The following EML2 variants were observed in gnomAD, a reference collection of about 807,000 sequenced individuals.
EML2 encodes the protein echinoderm microtubule-associated protein-like 2.
Under a neutral mutation model 84.7 loss-of-function variants are expected in EML2, and 59 were observed. That is an observed-to-expected ratio of 0.70 (90% confidence interval 0.56 to 0.86). The LOEUF is 0.86. Ranked by LOEUF, EML2 falls within the 40% of genes least tolerant of loss-of-function variation. The pLI is 0.00. For synonymous variants in EML2, 352 were observed against 348.9 expected (o/e 1.01, Z -0.10); for missense variants, 818 against 855.6 (o/e 0.96, Z 0.55).
chr19:45,619,434 A>G (rs1246494317), intron 11 of EML2: 1 of 320,814 alleles, frequency 3.1e-6, no homozygotes, highest in Non-Finnish European at 5.8e-6. Flanking sequence ...TCTTTGCACA[A>G]TGGGAGGCAG....
chr19:45,638,053 C>T lies in EML2; in HGVS notation c.179+452G>A, dbSNP rs147900248. Among the ~76,000 whole-genome samples, 1,159 of 152,260 alleles carry T rather than the reference C, an allele frequency of 7.6e-3. 18 individuals carry two copies. Among genetic ancestry groups the T allele is most frequent in the African/African-American group, 0.027 (1,114 of 41,548 alleles). ...TTTCAAACTCCTGGGTTCAAGTGAT[C>T]CACCCACCTCGGCCTCCCAATGTGC... On this transcript the variant is annotated intron_variant, in intron 3 of 18. Transcript: ENST00000245925.
At chr19:45,637,667 C>CTTTT (rs58180181) in intron 3 of EML2, among the ~76,000 whole-genome samples, 35 of 48,908 alleles carry the variant, frequency 7.2e-4, no homozygotes, top group Admixed American at 1.5e-3. Context: ...TTTTTCTTTT[C>CTTTT]TTTTTTTTTT....
At position 45,621,293 on chromosome 19, in the gene EML2, C is replaced by T. The variant is rs1438579828; in HGVS notation, c.1036G>A (p.Gly346Ser). The T allele has an allele frequency of 1.9e-6, 3 of 1,612,544 alleles. No individual in the cohort carries two copies. Among genetic ancestry groups the T allele is most frequent in the Admixed American group, 3.3e-5 (2 of 59,958 alleles). ...DFGPVRTVAEGHGDTLYVGTT... is the reference protein window; with the variant it reads ...DFGPVRTVAESHGDTLYVGTT... ...CCCACGTACAGTGTGTCTCCGTGGC[C>T]CTCTGCCACGGTGCGCACAGGGCCA... is the stretch of plus-strand genomic sequence containing the variant. Residue 346 changes from glycine to serine, a missense_variant, in exon 11 of 19, where the codon GGC becomes AGC. By Grantham distance (56) the Gly-to-Ser change is moderately conservative. Coordinates refer to ENST00000245925, the MANE Select transcript of EML2 (RefSeq NM_012155.4).
chr19:45,631,606 C>T (rs1184474970), intron 6 of EML2, among the ~76,000 whole-genome samples: 1 of 151,980 alleles, frequency 6.6e-6, no homozygotes, highest in Non-Finnish European at 1.5e-5. Context: ...TGGGGTTTCA[C>T]CATGTTGGCC....
At chr19:45,632,796 A>G in intron 6 of EML2, 65 bp downstream of exon 6, 1 of 1,374,180 alleles carries the variant, frequency 7.3e-7, no homozygotes, top group East Asian at 2.5e-5. Flanking sequence ...GCGGGTGAAA[A>G]GGTGCGGGCA....
chr19:45,609,885 C>G lies in EML2; in HGVS notation c.1825-97G>C, dbSNP rs540437081. On this transcript the variant is annotated intron_variant, in intron 18 of 18. Transcript: ENST00000245925. ...TTGACCCGGTTCTTTTCTGCTCTTCCTCTTTTTTTTTTTTTTTAATCACTT... is the reference window on the plus strand; with the variant it reads ...TTGACCCGGTTCTTTTCTGCTCTTCGTCTTTTTTTTTTTTTTTAATCACTT... The G allele has an allele frequency of 8.7e-6, 12 of 1,383,256 alleles. No individual in the cohort carries two copies. The South Asian group carries it at 1.5e-4, about 18-fold the overall frequency. 85.7% of individuals were successfully genotyped at this position (1,383,256 alleles called of 1,614,324 possible).
chr19:45,642,383 C>G, upstream of EML2: 1 of 1,523,366 alleles, frequency 6.6e-7, no homozygotes, highest in Non-Finnish European at 8.8e-7. Flanking sequence ...GGCTGCAGGG[C>G]CACCCAGGAG....
At position 45,619,177 on chromosome 19, in the gene EML2, C is replaced by G; in HGVS notation, c.1137G>C (p.Glu379Asp). Residue 379 changes from glutamate to aspartate, a missense_variant, in exon 12 of 19, where the codon GAG becomes GAC. Coordinates refer to ENST00000245925, the MANE Select transcript of EML2 (RefSeq NM_012155.4). The part of the protein sequence containing the change: ...FSLLVQGHVE[E>D]LWGLATHPSR... ...TGGGGTGTGTGGCCAGGCCCCACAG[C>G]TCTTCCACATGGCCCTGGTGGAAAG... 6.2e-7 allele frequency: 1 copy of G among 1,611,164 alleles called. No homozygotes were observed. The highest frequency in any genetic ancestry group is 2.2e-5 in the East Asian group (1 of 44,850).
intron 6 of EML2, 62 bp from the exon 7 acceptor site, chr19:45,630,108 A>G: frequency 1.6e-6 from 2 of 1,241,440 alleles, no homozygotes; most frequent in Admixed American, 1.8e-5. Context: ...TCCTCCCCCC[A>G]TGCCCACCAA....
At position 45,618,549 on chromosome 19, in the gene EML2, G is replaced by C. The variant is rs117683485; in HGVS notation, c.1254+511C>G. Among the ~76,000 whole-genome samples the C allele has an allele frequency of 6.6e-3, 998 of 151,968 alleles. 26 individuals are homozygous for C. Among genetic ancestry groups the C allele is most frequent in the Admixed American group, 0.043 (654 of 15,200 alleles). On this transcript the variant is annotated intron_variant, in intron 12 of 18. Transcript: ENST00000245925. ...GGCGGCACCCCTGACAGGATGGTTC[G>C]GTGTCGTCCTGGGCTCCCTTCCAGT...
rs544684948 is a variant in EML2, at chr19:45,609,834, T to C, written c.1825-46A>G. On this transcript the variant is annotated intron_variant, in intron 18 of 18. Transcript: ENST00000245925. ...AGTGAAGAAATGTCAGTGGGGACAA[T>C]GCCACCCCATCATGGTCCTCTTGTC... 9 of 1,598,068 alleles carry C rather than the reference T, an allele frequency of 5.6e-6. No homozygotes were observed. In the South Asian group the frequency reaches 1.0e-4, roughly 18 times the overall value.
intron 16 of EML2, 139 bp from the exon 17 acceptor site, chr19:45,614,839 C>G (rs1353872791): frequency 1.5e-6 from 1 of 668,888 alleles, no homozygotes; most frequent in African/African-American, 1.8e-5. Flanking sequence ...TCAGGACTGG[C>G]TGAGAAGGCA....
At chr19:45,633,716 C>A (rs1973357172) in intron 4 of EML2, among the ~76,000 whole-genome samples, 1 of 151,554 alleles carries the variant, frequency 6.6e-6, no homozygotes, top group African/African-American at 2.4e-5. Context: ...CCAGCCTAGG[C>A]GACAGAGTGA....
intron 7 of EML2, 116 bp from the exon 8 acceptor site, chr19:45,626,955 C>CTTT (rs757423697): frequency 6.5e-6 from 5 of 769,940 alleles, no homozygotes; most frequent in South Asian, 3.3e-5. Context: ...CACACCTGAA[C>CTTT]TTTTCTTTTT....
chr19:45,639,644 G>A (rs1974217928), upstream of EML2, among the ~76,000 whole-genome samples: 1 of 152,144 alleles, frequency 6.6e-6, no homozygotes, highest in Admixed American at 6.6e-5. Flanking sequence ...ATTCCTAGCA[G>A]TGTACACAGG....
At chr19:45,626,106 G>A (rs1158768511) in intron 8 of EML2, among the ~76,000 whole-genome samples, 2 of 151,920 alleles carry the variant, frequency 1.3e-5, no homozygotes, top group Non-Finnish European at 2.9e-5. Context: ...CGAACTTCTG[G>A]GCTCAAGGGA....
rs1568474747 is a variant in EML2, at chr19:45,632,866, T to TG, written c.504dup (p.Lys169GlnfsTer3). 1 of 1,613,800 alleles carries TG rather than the reference T, an allele frequency of 6.2e-7. No individual in the cohort carries two copies. Among genetic ancestry groups the TG allele is most frequent in the East Asian group, 2.2e-5 (1 of 44,836 alleles). On this transcript the variant is annotated frameshift_variant, in exon 6 of 19. Transcript: ENST00000245925. LOFTEE classifies it high-confidence loss of function. ...AGGGTGGGCGAAGGACTTACAGATT[T>TG]GGAGAAGCCCACACAGCACACGGCT...
intron 9 of EML2, chr19:45,623,525 T>C (rs1340810633): frequency 6.6e-6 from 1 of 151,552 alleles, no homozygotes; most frequent in Non-Finnish European, 1.5e-5. Context: ...TGAGACCCTG[T>C]CTTAAAAAAA....
intron 13 of EML2, among the ~76,000 whole-genome samples, chr19:45,617,291 C>T (rs1971205034): frequency 6.6e-6 from 1 of 151,896 alleles, no homozygotes; most frequent in Non-Finnish European, 1.5e-5. Flanking sequence ...GGCGGTGGCT[C>T]ACGCCTGTAA....
Sources: allele counts gnomAD v4.1 joint callset (sites outside exome capture counted in the v4.1 genomes callset), GRCh38; gene constraint gnomAD v4.1.1; transcripts MANE v1.5; gene names NCBI Gene and HGNC (gene_info 2026-07-23, HGNC 2026-07-21).